Variants in KCNH1 observed in about 807,000 individuals in gnomAD.
The protein encoded by KCNH1 is potassium voltage-gated channel subfamily H member 1.
A neutral mutation model predicts 69.2 loss-of-function variants in KCNH1; 27 were observed. The ratio of observed to expected loss-of-function variants is 0.39; its 90% CI spans 0.29 to 0.54. The LOEUF (loss-of-function observed/expected upper bound fraction) is 0.54, where lower values mean the gene tolerates loss of function less well. Among genes scored for constraint, KCNH1 ranks in the 20% least tolerant of loss-of-function variants. The probability of loss-of-function intolerance (pLI) is 0.68; values close to 1 mark genes in which losing one functional copy is unlikely to be tolerated. For synonymous variants in KCNH1, 456 were observed against 487.7 expected, an observed-to-expected ratio of 0.93 and a Z score of 0.86; for missense variants, 798 against 1,261.6, an observed-to-expected ratio of 0.63 and a Z score of 5.57.
At chr1:210,902,249 G>A (rs1338041680) in intron 7 of KCNH1, among the ~76,000 whole-genome samples, 2 of 152,358 alleles carry the variant, frequency 1.3e-5, no homozygotes, top group East Asian at 1.9e-4. Context: ...CTCAGGATCT[G>A]ACCAATTGTT....
intron 3 of KCNH1, among the ~76,000 whole-genome samples, chr1:211,095,272 G>A (rs1189978468): frequency 3.9e-5 from 6 of 152,132 alleles, no homozygotes; most frequent in East Asian, 1.9e-4. Flanking sequence ...AAAGGACAAC[G>A]GGTCAATGTT....
chr1:210,918,483 A>G (rs1177797597), intron 7 of KCNH1, among the ~76,000 whole-genome samples: 1 of 152,178 alleles, frequency 6.6e-6, no homozygotes, highest in East Asian at 1.9e-4. Flanking sequence ...TTTCCATCCC[A>G]GTTAGGTCCC....
At chr1:210,741,368 GAGGAGT>G in intron 10 of KCNH1, among the ~76,000 whole-genome samples, 1 of 152,282 alleles carries the variant, frequency 6.6e-6, no homozygotes, top group South Asian at 2.1e-4. Flanking sequence ...CCAAAGGCAA[GAGGAGT>G]GCAGGAGGAC....
chr1:210,888,872 A>G (rs1686680377), intron 7 of KCNH1, among the ~76,000 whole-genome samples: 1 of 152,234 alleles, frequency 6.6e-6, no homozygotes, highest in African/African-American at 2.4e-5. Flanking sequence ...AAATACCTGA[A>G]CAGACCAATA....
intron 7 of KCNH1, among the ~76,000 whole-genome samples, chr1:210,844,535 C>A (rs1195454358): frequency 6.6e-6 from 1 of 152,114 alleles, no homozygotes; most frequent in Non-Finnish European, 1.5e-5. Context: ...CCAATGAGAA[C>A]AAAGACACAA....
intron 10 of KCNH1, among the ~76,000 whole-genome samples, chr1:210,748,169 G>T (rs1015479551): frequency 2.0e-5 from 3 of 152,164 alleles, no homozygotes; most frequent in African/African-American, 7.2e-5. Flanking sequence ...GAGCCAGCAG[G>T]TCCACGTGCT....
intron 6 of KCNH1, among the ~76,000 whole-genome samples, chr1:211,008,863 T>C (rs1689336380): frequency 6.6e-6 from 1 of 152,206 alleles, no homozygotes; most frequent in Non-Finnish European, 1.5e-5. Context: ...TGAAAGGAGA[T>C]TAGCTATAAC....
At chr1:211,099,439 G>T (rs1377652044) in intron 3 of KCNH1, among the ~76,000 whole-genome samples, 2 of 152,014 alleles carry the variant, frequency 1.3e-5, no homozygotes, top group Non-Finnish European at 2.9e-5. Flanking sequence ...TTCCCTCATA[G>T]AACTCTATAT....
rs1681623656 is a variant in KCNH1, at chr1:210,695,697, A to G, written c.2113-11559T>C. ...CAGATTGCATGACTTGGGCAAGTCA[A>G]TTAACTTCTTTGTCTTTGTCTATTA... On this transcript the variant is annotated intron_variant, in intron 10 of 10. Coordinates refer to ENST00000271751, the MANE Select transcript of KCNH1 (RefSeq NM_172362.3). Among the ~76,000 whole-genome samples the G allele has an allele frequency of 2.6e-5, 4 of 152,324 alleles. 1 individual carries two copies. Among genetic ancestry groups the G allele is most frequent in the South Asian group, 4.1e-4 (2 of 4,832 alleles).
chr1:210,810,954 C>CT (rs1329653002), intron 7 of KCNH1, among the ~76,000 whole-genome samples: 3 of 152,120 alleles, frequency 2.0e-5, no homozygotes, highest in African/African-American at 7.2e-5. Context: ...ACTGACCTGG[C>CT]TAGAGTTTGT....
intron 10 of KCNH1, among the ~76,000 whole-genome samples, chr1:210,742,856 T>C (rs975221115): frequency 7.2e-5 from 11 of 152,080 alleles, no homozygotes; most frequent in Admixed American, 2.0e-4. Flanking sequence ...TGTGTGTGTG[T>C]GCGCGCGCGC....
intron 7 of KCNH1, among the ~76,000 whole-genome samples, chr1:210,915,784 G>A (rs1687322533): frequency 6.6e-6 from 1 of 152,108 alleles, no homozygotes; most frequent in Admixed American, 6.5e-5. Context: ...CATCCTCTGG[G>A]GATTTAGCCA....
chr1:211,127,265 C>T (rs1305833008), intron 1 of KCNH1, among the ~76,000 whole-genome samples: 1 of 152,116 alleles, frequency 6.6e-6, no homozygotes, highest in African/African-American at 2.4e-5. Context: ...TAAATCTGTG[C>T]CTTTCCTTCA....
rs1690880941 is a variant in KCNH1, at chr1:211,082,768, C to G, written c.558+12G>C. The G allele has an allele frequency of 1.2e-6, 2 of 1,605,900 alleles. No individual in the cohort carries two copies. Among genetic ancestry groups the G allele is most frequent in the Non-Finnish European group, 1.7e-6 (2 of 1,173,232 alleles). On this transcript the variant is annotated intron_variant, in intron 5 of 10. Transcript: ENST00000271751. ...AAGTGAGGCTCAAGATGAGCTAACC[C>G]TTTGCCCTTACCTCTGCCAGGCGGG...
chr1:210,888,837 C>A (rs974120500), intron 7 of KCNH1, among the ~76,000 whole-genome samples: 4 of 152,148 alleles, frequency 2.6e-5, no homozygotes, highest in Non-Finnish European at 2.9e-5. Flanking sequence ...CATATACCCC[C>A]CCAAGACTAA....
At chr1:210,784,887 C>A (rs1395579993) in intron 9 of KCNH1, among the ~76,000 whole-genome samples, 14 of 152,062 alleles carry the variant, frequency 9.2e-5, no homozygotes, top group Non-Finnish European at 2.1e-4. Context: ...CTTTCTCTCC[C>A]AAGCAGTGAG....
intron 7 of KCNH1, among the ~76,000 whole-genome samples, chr1:210,890,911 G>A (rs1007533491): frequency 3.3e-5 from 5 of 152,184 alleles, no homozygotes; most frequent in African/African-American, 1.2e-4. Flanking sequence ...GAGAGGATGT[G>A]GAGAATAGGA....
chr1:210,837,836 C>A (rs1353410762), intron 7 of KCNH1, among the ~76,000 whole-genome samples: 1 of 152,158 alleles, frequency 6.6e-6, no homozygotes, highest in East Asian at 1.9e-4. Context: ...TGAACTATCA[C>A]CTTGAAAGCA....
In KCNH1 at chr1:210,679,323, A is replaced by AG. The variant is rs1359338237; in HGVS notation, c.*3957dup. ...CTAGGTGATAAGGGAGGAGAGAGGA[A>AG]GGGGCATTGGCAGCTCTATCACAGC... On this transcript the variant is annotated 3_prime_UTR_variant, in exon 11 of 11. Coordinates refer to ENST00000271751, the MANE Select transcript of KCNH1 (RefSeq NM_172362.3). The AG allele has an allele frequency of 1.3e-5, 2 of 152,228 alleles. No homozygotes were observed. The highest frequency in any genetic ancestry group is 2.9e-5 in the Non-Finnish European group (2 of 68,054). 9.4% of individuals were successfully genotyped at this position (152,228 alleles called of 1,614,324 possible).
Sources: gnomAD v4.1 joint callset for allele counts (sites outside exome capture counted in the v4.1 genomes callset) on GRCh38, gnomAD v4.1.1 for gene constraint, MANE v1.5 for transcripts, NCBI Gene and HGNC (gene_info 2026-07-23, HGNC 2026-07-21) for gene names.